Variants in ATAD2B observed in about 807,000 individuals in gnomAD.
The protein encoded by ATAD2B is ATPase family AAA domain containing 2B.
In ATAD2B, 40 loss-of-function variants were observed where a neutral mutation model predicts 167.6. That is an observed-to-expected ratio of 0.24 (90% CI 0.19 to 0.31). The LOEUF (loss-of-function observed/expected upper bound fraction) is 0.31. Ranked by LOEUF, ATAD2B falls within the 10% of genes least tolerant of loss-of-function variation. ATAD2B has a pLI of 1.00. For synonymous variants in ATAD2B, 579 were observed against 596.5 expected, an observed-to-expected ratio of 0.97 and a Z score of 0.43; for missense variants, 1,242 against 1,757.2, an observed-to-expected ratio of 0.71 and a Z score of 5.24.
chr2:23,774,213 G>A (rs1177945296), intron 22 of ATAD2B, among the ~76,000 whole-genome samples: 1 of 152,184 alleles, frequency 6.6e-6, no homozygotes, highest in Non-Finnish European at 1.5e-5. Flanking sequence ...TCAACACTTT[G>A]GAAGGATGCA....
In ATAD2B at chr2:23,878,475, G is replaced by A. The variant is rs569229080; in HGVS notation, c.901+2164C>T. Among the ~76,000 whole-genome samples the A allele has an allele frequency of 8.6e-5, 13 of 151,226 alleles. No homozygotes were observed. In the East Asian group the frequency reaches 1.9e-3, roughly 23 times the overall value. On this transcript the variant is annotated intron_variant, in intron 7 of 27. Coordinates refer to ENST00000238789, the MANE Select transcript of ATAD2B (RefSeq NM_017552.4). ...AGATCGAGACCATCCTGGCTAACAC[G>A]AAGAAACCCTGTCTCTACTAAAAAC...
intron 1 of ATAD2B, among the ~76,000 whole-genome samples, chr2:23,923,026 G>C (rs972483235): frequency 1.3e-5 from 2 of 152,204 alleles, no homozygotes; most frequent in African/African-American, 4.8e-5. Flanking sequence ...CAAAGGAATT[G>C]AAATTAGGAT....
At chr2:23,849,257 A>T (rs1322693068) in intron 13 of ATAD2B, among the ~76,000 whole-genome samples, 4 of 152,236 alleles carry the variant, frequency 2.6e-5, no homozygotes, top group Non-Finnish European at 5.9e-5. Flanking sequence ...AATGGCAAAA[A>T]ATATACCACA....
intron 24 of ATAD2B, among the ~76,000 whole-genome samples, chr2:23,760,711 C>CACACAT (rs1676579153): frequency 1.5e-5 from 2 of 132,926 alleles, no homozygotes; most frequent in African/African-American, 2.8e-5. Context: ...CACACACACA[C>CACACAT]ACACACACAC....
chr2:23,679,997 G>C, the ATAD2B span, among the ~76,000 whole-genome samples: 2 of 152,168 alleles, frequency 1.3e-5, no homozygotes, highest in African/African-American at 4.8e-5. Context: ...AGGAGCGGAG[G>C]GAACGGGGAG....
At chr2:23,763,430 T>C (rs938389210) in intron 23 of ATAD2B, among the ~76,000 whole-genome samples, 5 of 152,246 alleles carry the variant, frequency 3.3e-5, no homozygotes, top group East Asian at 1.9e-4. Context: ...ATGTATAGAA[T>C]TGTAAAATCA....
chr2:23,897,279 G>T (rs1211198679), intron 1 of ATAD2B, among the ~76,000 whole-genome samples: 1 of 152,146 alleles, frequency 6.6e-6, no homozygotes, highest in East Asian at 1.9e-4. Flanking sequence ...CATCCCTAGG[G>T]ATGTTAACCC....
the ATAD2B span, among the ~76,000 whole-genome samples, chr2:23,727,869 G>A: frequency 6.6e-6 from 1 of 152,276 alleles, no homozygotes; most frequent in South Asian, 2.1e-4. Context: ...ACAAAACTAT[G>A]ATGACAGTAA....
chr2:23,753,687 T>C (rs1182052471), intron 27 of ATAD2B, among the ~76,000 whole-genome samples: 1 of 152,160 alleles, frequency 6.6e-6, no homozygotes, highest in Non-Finnish European at 1.5e-5. Flanking sequence ...GGCTAATTTA[T>C]AGGACTAGAT....
At chr2:23,764,986 C>T (rs1378960329) in intron 23 of ATAD2B, among the ~76,000 whole-genome samples, 17 of 152,218 alleles carry the variant, frequency 1.1e-4, no homozygotes, top group Admixed American at 1.1e-3. Flanking sequence ...AGTGCATACA[C>T]CACACTGTAC....
intron 24 of ATAD2B, among the ~76,000 whole-genome samples, chr2:23,760,597 G>A (rs1479907251): frequency 2.0e-5 from 3 of 151,618 alleles, no homozygotes; most frequent in Non-Finnish European, 4.4e-5. Context: ...TGAGGAGGCG[G>A]AGGTTGCAGC....
intron 1 of ATAD2B, among the ~76,000 whole-genome samples, chr2:23,908,625 T>G (rs1019866101): frequency 6.6e-6 from 1 of 152,114 alleles, no homozygotes; most frequent in Non-Finnish European, 1.5e-5. Flanking sequence ...GACTCAGCCA[T>G]CCCATTACTG....
chr2:23,918,853 A>G (rs1703460918), intron 1 of ATAD2B, among the ~76,000 whole-genome samples: 1 of 152,254 alleles, frequency 6.6e-6, no homozygotes, highest in Admixed American at 6.5e-5. Flanking sequence ...TTAGCCTTCC[A>G]CAGGCCACTT....
intron 19 of ATAD2B, among the ~76,000 whole-genome samples, chr2:23,793,254 T>C (rs1430924835): frequency 6.6e-6 from 1 of 152,232 alleles, no homozygotes; most frequent in Non-Finnish European, 1.5e-5. Flanking sequence ...GGAATATTTC[T>C]TTAAAATTCA....
chr2:23,692,637 C>T, the ATAD2B span, among the ~76,000 whole-genome samples: 483 of 152,242 alleles, frequency 3.2e-3, 2 homozygotes, highest in African/African-American at 0.011. Context: ...AACCCAGACA[C>T]GCCTAGGTTG....
rs188911647 is a variant in ATAD2B at position 23,908,830 on chromosome 2, C to A, written c.217-12860G>T. ...CCATAAAAAATGATGAGTTCATGTC[C>A]TTTGTAGGGATATGGATGAAACTGG... On this transcript the variant is annotated intron_variant, in intron 1 of 27. Coordinates refer to ENST00000238789, the MANE Select transcript of ATAD2B (RefSeq NM_017552.4). Among the ~76,000 whole-genome samples, 299 of 151,830 alleles carry A rather than the reference C, an allele frequency of 2.0e-3. 2 individuals are homozygous for A. The highest frequency in any genetic ancestry group is 0.019 in the East Asian group (100 of 5,160).
intron 13 of ATAD2B, among the ~76,000 whole-genome samples, chr2:23,842,790 A>G (rs1691136148): frequency 6.6e-6 from 1 of 152,246 alleles, no homozygotes; most frequent in Non-Finnish European, 1.5e-5. Context: ...GGATCTAGCT[A>G]AAGACAAAAG....
chr2:23,772,740 T>A (rs551170181), intron 22 of ATAD2B, among the ~76,000 whole-genome samples: 1 of 150,010 alleles, frequency 6.7e-6, no homozygotes, highest in East Asian at 2.0e-4. Flanking sequence ...TTTGGGGGGA[T>A]GGGGGTGGGG....
intron 13 of ATAD2B, among the ~76,000 whole-genome samples, chr2:23,837,960 C>T (rs1262642908): frequency 6.6e-6 from 1 of 152,158 alleles, no homozygotes; most frequent in Non-Finnish European, 1.5e-5. Context: ...GTTCTAGTAA[C>T]AATGTTCTTT....
Sources: allele counts gnomAD v4.1 joint callset (sites outside exome capture counted in the v4.1 genomes callset), GRCh38; gene constraint gnomAD v4.1.1; transcripts MANE v1.5; gene names NCBI Gene and HGNC (gene_info 2026-07-23, HGNC 2026-07-21).